The following DPP10 variants were observed in gnomAD, a reference collection of about 807,000 sequenced individuals.
DPP10 encodes dipeptidyl peptidase like 10, also known as inactive dipeptidyl peptidase 10.
A neutral mutation model predicts 120.9 loss-of-function variants in DPP10; 33 were observed. The observed-to-expected ratio is 0.27, with a 90% CI of 0.21 to 0.37. DPP10 has a LOEUF of 0.37. Ranked by LOEUF, DPP10 falls within the 10% of genes least tolerant of loss-of-function variation. DPP10 has a pLI of 1.00. For missense variants in DPP10, 816 were observed against 942.8 expected, an observed-to-expected ratio of 0.87 and a Z score of 1.76; for synonymous variants, 337 against 326.1, an observed-to-expected ratio of 1.03 and a Z score of -0.36.
At chr2:114,908,590 T>G (rs1694145436) in intron 1 of DPP10, among the ~76,000 whole-genome samples, 1 of 151,866 alleles carries the variant, frequency 6.6e-6, no homozygotes, top group African/African-American at 2.4e-5. Context: ...TTCTTCTTTT[T>G]GTGCTACTAT....
chr2:115,202,777 A>G (rs1007399894), intron 1 of DPP10, among the ~76,000 whole-genome samples: 1 of 152,172 alleles, frequency 6.6e-6, no homozygotes, highest in Non-Finnish European at 1.5e-5. Context: ...GAATTACTGA[A>G]TTTTGGATTT....
At chr2:114,834,476 C>T (rs1246665185) in intron 1 of DPP10, among the ~76,000 whole-genome samples, 2 of 151,254 alleles carry the variant, frequency 1.3e-5, no homozygotes, top group Non-Finnish European at 2.9e-5. Flanking sequence ...ATCTACACAC[C>T]TATGTATATA....
chr2:115,188,822 C>A (rs1375104572), intron 1 of DPP10, among the ~76,000 whole-genome samples: 1 of 151,840 alleles, frequency 6.6e-6, no homozygotes, highest in African/African-American at 2.4e-5. Flanking sequence ...ATTTCACAAA[C>A]CTATTGGTAA....
chr2:115,406,270 T>C (rs2068502055), intron 3 of DPP10, among the ~76,000 whole-genome samples: 1 of 152,324 alleles, frequency 6.6e-6, no homozygotes, highest in African/African-American at 2.4e-5. Context: ...CCTATTTCCA[T>C]CTGAGGTCTC....
chr2:114,988,739 A>G (rs1700580226), intron 1 of DPP10, among the ~76,000 whole-genome samples: 1 of 152,214 alleles, frequency 6.6e-6, no homozygotes, highest in African/African-American at 2.4e-5. Context: ...ACGAGCACAT[A>G]TGACCTCTTA....
intron 19 of DPP10, among the ~76,000 whole-genome samples, chr2:115,795,795 T>C (rs1684465547): frequency 6.6e-6 from 1 of 152,138 alleles, no homozygotes; most frequent in South Asian, 2.1e-4. Context: ...TGAAATATTG[T>C]TTAATATTTT....
intron 1 of DPP10, among the ~76,000 whole-genome samples, chr2:114,772,443 G>A (rs1681354318): frequency 6.6e-6 from 1 of 151,372 alleles, no homozygotes; most frequent in South Asian, 2.1e-4. Context: ...ACAGGTGTGA[G>A]CCACCGCACC....
At chr2:114,811,256 T>G (rs1192296746) in intron 1 of DPP10, among the ~76,000 whole-genome samples, 3 of 152,178 alleles carry the variant, frequency 2.0e-5, no homozygotes, top group Non-Finnish European at 4.4e-5. Flanking sequence ...TGCAGCTTAG[T>G]CAATGAATGG....
In DPP10 at chr2:115,197,253, G is replaced by T. The variant is rs182281014; in HGVS notation, c.61-111986G>T. Among the ~76,000 whole-genome samples, 43 of 152,092 alleles carry T rather than the reference G, an allele frequency of 2.8e-4. No homozygotes were observed. In the East Asian group the frequency reaches 8.2e-3, roughly 29 times the overall value. On this transcript the variant is annotated intron_variant, in intron 1 of 25. Coordinates refer to ENST00000410059, the MANE Select transcript of DPP10 (RefSeq NM_020868.6). ...CTAAAAATACAAAAATTAGCCGGGC[G>T]TGGTGGTGCACACCTGTAGTCCCAG...
At chr2:115,382,094 A>G (rs1286814278) in intron 3 of DPP10, among the ~76,000 whole-genome samples, 2 of 151,380 alleles carry the variant, frequency 1.3e-5, no homozygotes, top group South Asian at 2.1e-4. Context: ...GTTCAGTTGG[A>G]GCTTCCCGGC....
At chr2:114,649,748 T>C (rs1178339768) in intron 1 of DPP10, among the ~76,000 whole-genome samples, 1 of 152,216 alleles carries the variant, frequency 6.6e-6, no homozygotes, top group East Asian at 1.9e-4. Context: ...ATAGTAGGGA[T>C]CAAACTTTTA....
intron 1 of DPP10, among the ~76,000 whole-genome samples, chr2:115,296,891 T>C (rs1389758136): frequency 6.6e-6 from 1 of 152,136 alleles, no homozygotes; most frequent in East Asian, 1.9e-4. Context: ...TTCAAAAATG[T>C]GCATGTTCTT....
chr2:114,562,957 AT>A (rs1558883822), intron 1 of DPP10, among the ~76,000 whole-genome samples: 1 of 152,202 alleles, frequency 6.6e-6, no homozygotes, highest in Admixed American at 6.5e-5. Flanking sequence ...ATCATATTAC[AT>A]TTTTTAAGTT....
chr2:114,879,556 G>C (rs978249012), intron 1 of DPP10, among the ~76,000 whole-genome samples: 2 of 152,116 alleles, frequency 1.3e-5, no homozygotes, highest in African/African-American at 4.8e-5. Flanking sequence ...ATTTTCGAAT[G>C]ACTTCAAAGT....
chr2:115,769,336 A>G (rs1681175477), intron 13 of DPP10, among the ~76,000 whole-genome samples: 1 of 152,006 alleles, frequency 6.6e-6, no homozygotes, highest in African/African-American at 2.4e-5. Flanking sequence ...TGTTTTTAGA[A>G]CCTTTAAGAC....
chr2:115,162,282 G>T, intron 1 of DPP10: 1 of 1,539,624 alleles, frequency 6.5e-7, no homozygotes, highest in Non-Finnish European at 8.7e-7. Flanking sequence ...GGTAAAGGCT[G>T]AAGGTGCCCC....
At chr2:115,321,211 G>T (rs530352590) in intron 2 of DPP10, among the ~76,000 whole-genome samples, 1 of 152,270 alleles carries the variant, frequency 6.6e-6, no homozygotes, top group Admixed American at 6.5e-5. Flanking sequence ...TGAGGCAGGA[G>T]AATCACTTGA....
At chr2:114,626,429 A>G (rs1573824079) in intron 1 of DPP10, among the ~76,000 whole-genome samples, 1 of 152,102 alleles carries the variant, frequency 6.6e-6, no homozygotes, top group African/African-American at 2.4e-5. Flanking sequence ...TCTAAATTAC[A>G]TTTAATAATC....
chr2:115,735,443 A>G (rs2093013714), intron 8 of DPP10, among the ~76,000 whole-genome samples: 1 of 152,058 alleles, frequency 6.6e-6, no homozygotes, highest in African/African-American at 2.4e-5. Context: ...ACTTTCTGTC[A>G]GGATGCTACA....
Sources: allele counts gnomAD v4.1 joint callset (sites outside exome capture counted in the v4.1 genomes callset), GRCh38; gene constraint gnomAD v4.1.1; transcripts MANE v1.5; gene names NCBI Gene and HGNC (gene_info 2026-07-23, HGNC 2026-07-21).